Variants in CDH8 observed in about 807,000 individuals in gnomAD.
CDH8 encodes cadherin 8.
CDH8 carries 17 observed loss-of-function variants against 68.1 expected under a neutral mutation model. The ratio of observed to expected loss-of-function variants is 0.25; its 90% CI spans 0.17 to 0.37. CDH8 has a LOEUF of 0.37. Ranked by LOEUF, CDH8 falls within the 10% of genes least tolerant of loss-of-function variation. The probability of loss-of-function intolerance (pLI) is 1.00; values close to 1 mark genes in which losing one functional copy is unlikely to be tolerated. For synonymous variants in CDH8, 372 were observed against 365.1 expected (o/e 1.02, Z -0.21); for missense variants, 763 against 999.3 (o/e 0.76, Z 3.19).
At chr16:61,827,290 T>C (rs1962360124) in intron 4 of CDH8, among the ~76,000 whole-genome samples, 1 of 151,936 alleles carries the variant, frequency 6.6e-6, no homozygotes, top group Admixed American at 6.6e-5. Context: ...TCACCAATTA[T>C]GCCATCCACT....
intron 2 of CDH8, among the ~76,000 whole-genome samples, chr16:61,939,071 C>G (rs1350613372): frequency 6.6e-6 from 1 of 152,186 alleles, no homozygotes; most frequent in Non-Finnish European, 1.5e-5. Context: ...AGGCACTCAT[C>G]TCTTCATAAG....
At chr16:61,866,414 TC>T (rs1403942970) in intron 3 of CDH8, among the ~76,000 whole-genome samples, 2 of 152,126 alleles carry the variant, frequency 1.3e-5, no homozygotes, top group East Asian at 3.9e-4. Flanking sequence ...AGCAGTGTTT[TC>T]ACCTGGTTTC....
chr16:62,035,096 C>A (rs1343809669), intron 1 of CDH8: 1 of 152,108 alleles, frequency 6.6e-6, no homozygotes, highest in Non-Finnish European at 1.5e-5. Context: ...TTGGCATCAG[C>A]GTTGGCGGCA....
intron 1 of CDH8, among the ~76,000 whole-genome samples, chr16:62,030,928 C>T (rs568941200): frequency 6.6e-6 from 1 of 151,988 alleles, no homozygotes; most frequent in Non-Finnish European, 1.5e-5. Context: ...TTGCAATTCA[C>T]ATGAGGGTAA....
intron 2 of CDH8, among the ~76,000 whole-genome samples, chr16:61,915,735 C>A (rs996160871): frequency 6.6e-6 from 1 of 152,020 alleles, no homozygotes; most frequent in Non-Finnish European, 1.5e-5. Flanking sequence ...ACCAGTAATA[C>A]CCAATTAACA....
intron 10 of CDH8, chr16:61,667,190 C>G (rs1248233675): frequency 6.6e-6 from 1 of 151,864 alleles, no homozygotes; most frequent in Non-Finnish European, 1.5e-5. Context: ...GTCATGCCAC[C>G]TGATGTCAAT....
chr16:61,892,991 T>C (rs1597046818), intron 3 of CDH8, among the ~76,000 whole-genome samples: 1 of 152,316 alleles, frequency 6.6e-6, no homozygotes, highest in South Asian at 2.1e-4. Context: ...TTAGTTTCCC[T>C]GGGCTGCCAT....
At chr16:61,837,661 T>C (rs1329350037) in intron 4 of CDH8, among the ~76,000 whole-genome samples, 1 of 152,056 alleles carries the variant, frequency 6.6e-6, no homozygotes, top group African/African-American at 2.4e-5. Flanking sequence ...GCTTTCTGGT[T>C]CCAGCCTTTC....
intron 1 of CDH8, among the ~76,000 whole-genome samples, chr16:62,027,415 T>G (rs753616810): frequency 4.6e-5 from 7 of 152,198 alleles, no homozygotes; most frequent in Non-Finnish European, 1.0e-4. Flanking sequence ...AACACACTGA[T>G]AGGTGACGTC....
intron 7 of CDH8, among the ~76,000 whole-genome samples, chr16:61,794,233 G>A (rs984786612): frequency 6.6e-6 from 1 of 151,746 alleles, no homozygotes; most frequent in African/African-American, 2.4e-5. Context: ...TGTTTCTTTA[G>A]GCTGCCAGGA....
rs888126466 is a variant in CDH8 at position 61,650,549 on chromosome 16, T to C, written c.*3059A>G. On this transcript the variant is annotated 3_prime_UTR_variant, in exon 12 of 12. Transcript: ENST00000577390. ...AATGTGTTATTTAACAAATTGAGCA[T>C]GGGATACTTAAATCTTAGAAAATGT... is the stretch of plus-strand genomic sequence containing the variant. 1 of 152,112 alleles carries C rather than the reference T, an allele frequency of 6.6e-6. No individual in the cohort carries two copies. Among genetic ancestry groups the C allele is most frequent in the African/African-American group, 2.4e-5 (1 of 41,428 alleles). The allele number at this position is 152,112 out of a possible 1,614,324, so 9.4% of individuals were successfully genotyped here.
intron 10 of CDH8, among the ~76,000 whole-genome samples, chr16:61,669,431 A>C (rs1041230282): frequency 6.6e-6 from 1 of 152,058 alleles, no homozygotes; most frequent in African/African-American, 2.4e-5. Context: ...TGGATGCAGA[A>C]AGTTTGCCTT....
chr16:61,712,502 G>A (rs995105347), intron 10 of CDH8, among the ~76,000 whole-genome samples: 2 of 151,698 alleles, frequency 1.3e-5, no homozygotes, highest in Admixed American at 6.6e-5. Flanking sequence ...GAATAAACAC[G>A]GACCACACTT....
At chr16:61,990,920 G>A (rs933477731) in intron 2 of CDH8, among the ~76,000 whole-genome samples, 3 of 148,612 alleles carry the variant, frequency 2.0e-5, no homozygotes, top group Non-Finnish European at 4.5e-5. Context: ...AAGGAAGGAG[G>A]GAAGGAAGGA....
chr16:61,844,545 G>A (rs2143009505), intron 4 of CDH8, among the ~76,000 whole-genome samples: 1 of 152,298 alleles, frequency 6.6e-6, no homozygotes, highest in South Asian at 2.1e-4. Context: ...CCAGGGTATA[G>A]GAGGCACATT....
At chr16:61,715,808 G>A (rs1483368528) in intron 9 of CDH8, among the ~76,000 whole-genome samples, 2 of 151,584 alleles carry the variant, frequency 1.3e-5, no homozygotes, top group Admixed American at 6.6e-5. Flanking sequence ...TTTGAAACAT[G>A]GATAACTCCT....
rs1354239994 is a variant in CDH8, at chr16:61,825,160, A to T, written c.687T>A (p.Leu229=). The stretch of plus-strand genomic sequence containing the variant: ...CCTTGGCTTCTCTGTCCATGTTGGG[A>T]AGGGCAGTTTTTATAATAGCTGAGG... The part of the protein sequence containing the change: ...EPETAIIKTA[L]PNMDREAKEE... The change falls in exon 5 of 12, where the codon CTT becomes CTA. Residue 229 remains leucine, a synonymous_variant. Transcript: ENST00000577390. 6.2e-7 allele frequency: 1 copy of T among 1,604,580 alleles called. No homozygotes were observed. The highest frequency in any genetic ancestry group is 2.2e-5 in the East Asian group (1 of 44,748).
intron 2 of CDH8, among the ~76,000 whole-genome samples, chr16:61,945,300 C>T (rs1473468651): frequency 6.6e-6 from 1 of 151,988 alleles, no homozygotes; most frequent in African/African-American, 2.4e-5. Flanking sequence ...GAATTTGCAT[C>T]GGAATGATCA....
chr16:61,792,402 G>T (rs1961398025), intron 7 of CDH8, among the ~76,000 whole-genome samples: 1 of 152,066 alleles, frequency 6.6e-6, no homozygotes, highest in South Asian at 2.1e-4. Flanking sequence ...TGCTTCTGTA[G>T]AAATTTCACA....
Sources: allele counts gnomAD v4.1 joint callset (sites outside exome capture counted in the v4.1 genomes callset), GRCh38; gene constraint gnomAD v4.1.1; transcripts MANE v1.5; gene names NCBI Gene and HGNC (gene_info 2026-07-23, HGNC 2026-07-21).